The following PTPRD variants were observed in gnomAD, a reference collection of about 807,000 sequenced individuals.
PTPRD encodes the protein receptor-type tyrosine-protein phosphatase delta.
In PTPRD, 34 loss-of-function variants were observed where a neutral mutation model predicts 214.5. The ratio of observed to expected loss-of-function variants is 0.16; its 90% confidence interval spans 0.12 to 0.21. The LOEUF (loss-of-function observed/expected upper bound fraction) is 0.21, where lower values mean the gene tolerates loss of function less well. PTPRD is among the 10% of genes least tolerant of loss of function. PTPRD has a pLI of 1.00. For missense variants in PTPRD, 2,545 were observed against 2,398.7 expected (o/e 1.06, Z -1.27); for synonymous variants, 1,128 against 845.7 (o/e 1.33, Z -5.79).
At chr9:8,687,876 G>A (rs2097716511) in intron 12 of PTPRD, among the ~76,000 whole-genome samples, 1 of 151,882 alleles carries the variant, frequency 6.6e-6, no homozygotes, top group Non-Finnish European at 1.5e-5. Context: ...ATTTAAAATT[G>A]AGAGGCCTTG....
intron 5 of PTPRD, among the ~76,000 whole-genome samples, chr9:9,927,313 A>G (rs1179190707): frequency 1.3e-5 from 2 of 152,082 alleles, no homozygotes; most frequent in Non-Finnish European, 2.9e-5. Flanking sequence ...TCTTTTCAGT[A>G]TTACCTTCCA....
chr9:10,005,791 A>G (rs1294028739), intron 4 of PTPRD, among the ~76,000 whole-genome samples: 11 of 152,116 alleles, frequency 7.2e-5, no homozygotes, highest in Non-Finnish European at 1.3e-4. Flanking sequence ...CCCTCTCCTC[A>G]TTTAACAATC....
chr9:9,559,059 A>G lies in PTPRD; in HGVS notation c.-237+15673T>C, dbSNP rs113294324. ...CGGGGGGGTAGCTATCCATGAGTGC[A>G]CCCATCCCGTTATTGGGTAAGTCAT... On this transcript the variant is annotated intron_variant, in intron 8 of 45. Transcript: ENST00000381196. Among the ~76,000 whole-genome samples, 974 of 152,240 alleles carry G rather than the reference A, an allele frequency of 6.4e-3. 13 individuals carry two copies. Among genetic ancestry groups the G allele is most frequent in the African/African-American group, 0.022 (911 of 41,540 alleles).
At chr9:9,436,204 T>A (rs184350359) in intron 8 of PTPRD, among the ~76,000 whole-genome samples, 1,590 of 152,264 alleles carry the variant, frequency 0.01, 28 homozygotes, top group African/African-American at 0.037. Context: ...ATTTCTTCTT[T>A]AAAAAAGTAT....
intron 3 of PTPRD, among the ~76,000 whole-genome samples, chr9:10,089,172 T>C (rs2098399158): frequency 6.7e-6 from 1 of 150,306 alleles, no homozygotes; most frequent in South Asian, 2.1e-4. Context: ...GTGCCAAGCA[T>C]CACAGCCTGG....
Position 9,092,319 on chromosome 9 carries a change from T to C in PTPRD, c.-142-73584A>G, listed in dbSNP as rs1201338870. Among the ~76,000 whole-genome samples, 8 of 152,268 alleles carry C rather than the reference T, an allele frequency of 5.3e-5. No individual in the cohort carries two copies. In the East Asian group the frequency reaches 1.2e-3, roughly 22 times the overall value. ...GACTGTATCCTGGTACTGATTTCTA[T>C]ACCAAGGTATTTATAAAGGTATGCT... On this transcript the variant is annotated intron_variant, in intron 10 of 45. Transcript: ENST00000381196.
chr9:9,152,672 G>A (rs1460832915), intron 10 of PTPRD, among the ~76,000 whole-genome samples: 1 of 152,304 alleles, frequency 6.6e-6, no homozygotes, highest in Non-Finnish European at 1.5e-5. Flanking sequence ...CTGTGGCGCT[G>A]TAGAGGCTAG....
At chr9:9,800,157 T>A (rs950514711) in intron 5 of PTPRD, among the ~76,000 whole-genome samples, 1 of 152,168 alleles carries the variant, frequency 6.6e-6, no homozygotes. Flanking sequence ...TGGGATTATC[T>A]TAATGCCCAT....
At chr9:9,043,564 A>G (rs568375426) in intron 10 of PTPRD, among the ~76,000 whole-genome samples, 1 of 152,278 alleles carries the variant, frequency 6.6e-6, no homozygotes, top group East Asian at 1.9e-4. Flanking sequence ...TAAAAGAAAA[A>G]TGGTCTGACT....
chr9:10,540,582 C>T (rs528824936), intron 2 of PTPRD, among the ~76,000 whole-genome samples: 37 of 152,218 alleles, frequency 2.4e-4, no homozygotes, highest in Middle Eastern at 6.8e-3. Context: ...TCTTTTCATC[C>T]ATTCCTACAT....
chr9:10,296,416 T>G (rs562689463), intron 3 of PTPRD, among the ~76,000 whole-genome samples: 4 of 152,050 alleles, frequency 2.6e-5, no homozygotes, highest in Admixed American at 6.6e-5. Context: ...ACTCACCAGA[T>G]CACTCACTTA....
At chr9:9,389,248 C>T (rs549244414) in intron 9 of PTPRD, among the ~76,000 whole-genome samples, 14 of 152,292 alleles carry the variant, frequency 9.2e-5, no homozygotes, top group Non-Finnish European at 1.5e-4. Flanking sequence ...CAGTGGCTCA[C>T]GCCTGTAATT....
At chr9:9,988,707 T>C (rs149548676) in intron 4 of PTPRD, among the ~76,000 whole-genome samples, 24 of 152,164 alleles carry the variant, frequency 1.6e-4, no homozygotes, top group African/African-American at 4.8e-4. Flanking sequence ...CTGTTACATA[T>C]CTAGGTATAG....
chr9:9,411,383 A>G (rs2141923124), intron 8 of PTPRD, among the ~76,000 whole-genome samples: 1 of 151,302 alleles, frequency 6.6e-6, no homozygotes, highest in South Asian at 2.1e-4. Flanking sequence ...AAACTATGTT[A>G]TTTTCTTCTC....
At chr9:8,958,014 C>CGGTT (rs767573793) in intron 11 of PTPRD, among the ~76,000 whole-genome samples, 239 of 151,406 alleles carry the variant, frequency 1.6e-3, no homozygotes, top group Non-Finnish European at 2.9e-3. Context: ...GGGGAAGAAC[C>CGGTT]ATTAGTTACA....
At chr9:8,867,840 G>A (rs1425989734) in intron 11 of PTPRD, among the ~76,000 whole-genome samples, 2 of 152,112 alleles carry the variant, frequency 1.3e-5, no homozygotes. Context: ...TTAATCTTCT[G>A]TGTATCCCTT....
At chr9:9,580,740 G>C (rs1321685215) in intron 7 of PTPRD, among the ~76,000 whole-genome samples, 1 of 151,718 alleles carries the variant, frequency 6.6e-6, no homozygotes, top group Non-Finnish European at 1.5e-5. Flanking sequence ...GTAGAGATGG[G>C]CTTTCAGCAC....
chr9:10,059,266 A>C (rs374776296), intron 3 of PTPRD, among the ~76,000 whole-genome samples: 71 of 152,234 alleles, frequency 4.7e-4, no homozygotes, highest in African/African-American at 1.5e-3. Flanking sequence ...AGTTCAGCCA[A>C]TATTTACAAC....
intron 10 of PTPRD, among the ~76,000 whole-genome samples, chr9:9,173,576 A>C (rs966464301): frequency 2.0e-5 from 3 of 152,156 alleles, no homozygotes; most frequent in African/African-American, 7.2e-5. Flanking sequence ...TATTACTCCT[A>C]GGCAACAAAC....
Sources: allele counts gnomAD v4.1 joint callset (sites outside exome capture counted in the v4.1 genomes callset), GRCh38; gene constraint gnomAD v4.1.1; transcripts MANE v1.5; gene names NCBI Gene and HGNC (gene_info 2026-07-23, HGNC 2026-07-21).